The following NRDE2 variants were observed in gnomAD, a reference collection of about 807,000 sequenced individuals.
The protein encoded by NRDE2 is nuclear exosome regulator NRDE2.
A neutral mutation model predicts 124.2 loss-of-function variants in NRDE2; 76 were observed. That is an observed-to-expected ratio of 0.61 (90% CI 0.51 to 0.74). The LOEUF (loss-of-function observed/expected upper bound fraction) is 0.74. Among genes scored for constraint, NRDE2 ranks in the 30% least tolerant of loss-of-function variants. NRDE2 has a pLI of 0.00. For synonymous variants in NRDE2, 489 were observed against 528.1 expected (o/e 0.93, Z 1.01); for missense variants, 1,314 against 1,417.3 (o/e 0.93, Z 1.17).
In NRDE2 at chr14:90,268,122, G is replaced by A. The variant is rs1233688885; in HGVS notation, c.*10214C>T. 9.8e-6 allele frequency: 9 copies of A among 922,840 alleles called. No individual in the cohort carries two copies. The highest frequency in any genetic ancestry group is 6.7e-5 in the African/African-American group (4 of 59,410). The allele number at this position is 922,840 out of a possible 1,614,324, so 57.2% of individuals were successfully genotyped here. A position where few individuals can be genotyped will look rare whatever the true frequency, so the allele number is the denominator to read the frequency against. On this transcript the variant is annotated 3_prime_UTR_variant, in exon 14 of 14. Coordinates refer to ENST00000354366, the MANE Select transcript of NRDE2 (RefSeq NM_017970.4). ...GTGCCATGCCTTAGCATGAGGGCCC[G>A]CCTGTTTTTGGTGTCCATTTAAGGT...
chr14:90,310,447 G>A (rs1884786338), intron 4 of NRDE2, among the ~76,000 whole-genome samples: 1 of 151,826 alleles, frequency 6.6e-6, no homozygotes, highest in Non-Finnish European at 1.5e-5. Context: ...GGATCAGACA[G>A]GCTAACTTAA....
At position 90,274,562 on chromosome 14, in the gene NRDE2, A is replaced by C. The variant is rs1415550661; in HGVS notation, c.*3774T>G. 1 of 152,100 alleles carries C rather than the reference A, an allele frequency of 6.6e-6. No individual in the cohort carries two copies. The highest frequency in any genetic ancestry group is 1.5e-5 in the Non-Finnish European group (1 of 68,070). The allele number at this position is 152,100 out of a possible 1,614,324, so 9.4% of individuals were successfully genotyped here. On this transcript the variant is annotated 3_prime_UTR_variant, in exon 14 of 14. Coordinates refer to ENST00000354366, the MANE Select transcript of NRDE2 (RefSeq NM_017970.4). ...CTGCTAAAAGTATTATTCTCCACTA[A>C]AAGGAGTGAGGGCTGATTCCGGGGC...
chr14:90,303,268 G>T, intron 5 of NRDE2, 143 bp from the exon 6 acceptor site: 1 of 708,182 alleles, frequency 1.4e-6, no homozygotes, highest in Non-Finnish European at 2.3e-6. Flanking sequence ...AGAAAACCTG[G>T]ATCCTAAAGT....
In NRDE2 at chr14:90,298,274, A is replaced by T. The variant is rs756093694; in HGVS notation, c.1652T>A (p.Val551Glu). Residue 551 changes from valine (V) to glutamate (E), a missense_variant, in exon 8 of 14, where the codon GTG (valine) becomes GAG (glutamate). Val to Glu is a moderately radical substitution (Grantham distance 121, BLOSUM62 -2). Transcript: ENST00000354366. Reference protein sequence around the residue: ...WMHQQERGGWVVINPDEDDDE... With the variant: ...WMHQQERGGWEVINPDEDDDE... ...AGGTGACTTACCTGGGTTGATGACC[A>T]CCCAGCCACCTCGTTCCTGCTGGTG... is the stretch of plus-strand genomic sequence containing the variant. 1.9e-6 allele frequency: 3 copies of T among 1,613,634 alleles called. No homozygotes were observed. In the South Asian group the frequency reaches 3.3e-5, roughly 18 times the overall value.
Position 90,267,956 on chromosome 14 carries a change from G to T in NRDE2, c.*10380C>A. On this transcript the variant is annotated 3_prime_UTR_variant, in exon 14 of 14. Transcript: ENST00000354366. Reference sequence around the variant, plus strand: ...TTCAGGGGAAACTGGGTCAAGGTTGGAAAATAACCAAGTAAAAAGTATTTT... The same window carrying T: ...TTCAGGGGAAACTGGGTCAAGGTTGTAAAATAACCAAGTAAAAAGTATTTT... 1 of 332,452 alleles carries T rather than the reference G, an allele frequency of 3.0e-6. No individual in the cohort carries two copies. The highest frequency in any genetic ancestry group is 4.5e-5 in the Admixed American group (1 of 22,006). The allele number at this position is 332,452 out of a possible 1,614,324, so 20.6% of individuals were successfully genotyped here.
At chr14:90,324,455 C>A (rs1219901796) in intron 1 of NRDE2, among the ~76,000 whole-genome samples, 1 of 152,046 alleles carries the variant, frequency 6.6e-6, no homozygotes, top group Non-Finnish European at 1.5e-5. Context: ...GTGGGCGGAT[C>A]ACTTGAGGTC....
intron 7 of NRDE2, among the ~76,000 whole-genome samples, chr14:90,300,379 T>G (rs1884348036): frequency 6.6e-6 from 1 of 152,204 alleles, no homozygotes; most frequent in South Asian, 2.1e-4. Context: ...TGGTCTTTAC[T>G]GGCAATTCAT....
chr14:90,312,371 C>T (rs1884875723), intron 4 of NRDE2, 23 bp downstream of exon 4: 10 of 1,612,324 alleles, frequency 6.2e-6, no homozygotes, highest in Middle Eastern at 1.8e-4. Flanking sequence ...ACAGTGAAAA[C>T]TGGGGGAAAA....
In NRDE2 at chr14:90,316,758, T is replaced by C. The variant is rs751475641; in HGVS notation, c.227A>G (p.Lys76Arg). The C allele has an allele frequency of 1.2e-6, 2 of 1,613,258 alleles. No individual in the cohort carries two copies. Among genetic ancestry groups the C allele is most frequent in the Admixed American group, 3.3e-5 (2 of 59,888 alleles). ...SDESDTNKKLKQTSRKKKKEK... is the reference protein window; with the variant it reads ...SDESDTNKKLRQTSRKKKKEK... ...TTTCTTCTTTTTTCTACTTGTTTGT[T>C]TGAGCTTTTTGTTAGTGTCACTTTC... The change falls in exon 3 of 14, where the codon AAA becomes AGA. Residue 76 changes from lysine to arginine, a missense_variant. Transcript: ENST00000354366.
rs1891720074 is a variant in NRDE2 at position 90,273,452 on chromosome 14, G to A, written c.*4884C>T. 1.3e-5 allele frequency: 2 copies of A among 152,266 alleles called. No individual in the cohort carries two copies. The highest frequency in any genetic ancestry group is 4.8e-5 in the African/African-American group (2 of 41,440). 9.4% of individuals were successfully genotyped at this position (152,266 alleles called of 1,614,324 possible). ...AGGTGCCTGTAGTCCCAGCTACTCAGGAGGCTGAGGCAGGACAATCGCTTG... is the reference window on the plus strand; with the variant it reads ...AGGTGCCTGTAGTCCCAGCTACTCAAGAGGCTGAGGCAGGACAATCGCTTG... On this transcript the variant is annotated 3_prime_UTR_variant, in exon 14 of 14. Transcript: ENST00000354366.
rs945603736 is a variant in NRDE2, at chr14:90,288,277, G to A, written c.3098C>T (p.Pro1033Leu). 1.2e-6 allele frequency: 2 copies of A among 1,614,024 alleles called. No individual in the cohort carries two copies. Among genetic ancestry groups the A allele is most frequent in the African/African-American group, 1.3e-5 (1 of 74,902 alleles). ...TITRSAKPLE[P>L]WLFAIEAEKL... Reference sequence around the variant, plus strand: ...CTCAGCTTCAATTGCAAACAACCAAGGCTCCAAGGGTTTGGCAGACCTGGT... The same window carrying A: ...CTCAGCTTCAATTGCAAACAACCAAAGCTCCAAGGGTTTGGCAGACCTGGT... The change falls in exon 11 of 14, where the codon CCT becomes CTT. Residue 1033 changes from proline to leucine, a missense_variant. Coordinates refer to ENST00000354366, the MANE Select transcript of NRDE2 (RefSeq NM_017970.4).
rs1891683059 is a variant in NRDE2 at position 90,272,060 on chromosome 14, C to T, written c.*6276G>A. On this transcript the variant is annotated 3_prime_UTR_variant, in exon 14 of 14. Transcript: ENST00000354366. The surrounding 1 kb of genome is among the most constrained non-coding windows in gnomAD (Gnocchi z 4.5). Reference sequence around the variant, plus strand: ...GGTGCCTGCCACCGTCCCTGGCTAACTTTTTGTATTTTTAGTAGAGATGGG... The same window carrying T: ...GGTGCCTGCCACCGTCCCTGGCTAATTTTTTGTATTTTTAGTAGAGATGGG... 2 of 376,882 alleles carry T rather than the reference C, an allele frequency of 5.3e-6. No homozygotes were observed. Among genetic ancestry groups the T allele is most frequent in the African/African-American group, 2.2e-5 (1 of 45,920 alleles). The allele number at this position is 376,882 out of a possible 1,614,324, so 23.3% of individuals were successfully genotyped here.
rs1209695933 is a variant in NRDE2 at position 90,280,004 on chromosome 14, G to GGC, written c.3298-873_3298-872dup. ...CCGGGACCAGTGAGGGCTGCTGACC[G>GGC]GCTTCCCAGAAACCTGAACAGTGGC... On this transcript the variant is annotated intron_variant, in intron 12 of 13. Coordinates refer to ENST00000354366, the MANE Select transcript of NRDE2 (RefSeq NM_017970.4). 1.2e-4 allele frequency: 18 copies of GGC among 152,500 alleles called. No homozygotes were observed. The East Asian group carries it at 3.5e-3, about 29-fold the overall frequency. 9.4% of individuals were successfully genotyped at this position (152,500 alleles called of 1,614,324 possible).
rs1884377790 is a variant in NRDE2, at chr14:90,300,963, G to C, written c.1545+276C>G. 2.8e-5 allele frequency among the ~76,000 whole-genome samples: 4 copies of C among 144,446 alleles called. No homozygotes were observed. The South Asian group carries it at 6.9e-4, about 25-fold the overall frequency. The allele number at this position is 144,446 out of a possible 152,430, so 94.8% of individuals were successfully genotyped here. Reference sequence around the variant, plus strand: ...AGGCAGGCAGGCAGGCAGGGTGGGAGGGTGAGTCCTCAGAGAGCCTTTATG... The same window carrying C: ...AGGCAGGCAGGCAGGCAGGGTGGGACGGTGAGTCCTCAGAGAGCCTTTATG... On this transcript the variant is annotated intron_variant, in intron 7 of 13. Coordinates refer to ENST00000354366, the MANE Select transcript of NRDE2 (RefSeq NM_017970.4).
chr14:90,288,259 T>C lies in NRDE2; in HGVS notation c.3116A>G (p.Glu1039Gly). 2 of 1,614,106 alleles carry C rather than the reference T, an allele frequency of 1.2e-6. No homozygotes were observed. Among genetic ancestry groups the C allele is most frequent in the Non-Finnish European group, 1.7e-6 (2 of 1,180,012 alleles). The change falls in exon 11 of 14, where the codon GAA (glutamate) becomes GGA (glycine). Residue 1039 changes from glutamate (E) to glycine (G), a missense_variant. By Grantham distance (98) the Glu-to-Gly change is moderately conservative (BLOSUM62 -2). Transcript: ENST00000354366. ...CAGTCTCTTCCTCAGTTTCTCAGCTTCAATTGCAAACAACCAAGGCTCCAA... is the reference window on the plus strand; with the variant it reads ...CAGTCTCTTCCTCAGTTTCTCAGCTCCAATTGCAAACAACCAAGGCTCCAA... ...KPLEPWLFAI[E>G]AEKLRKRLVE...
intron 6 of NRDE2, chr14:90,301,949 A>G (rs1884417576): frequency 5.0e-6 from 2 of 396,820 alleles, no homozygotes; most frequent in Admixed American, 3.1e-5. Flanking sequence ...ATAAATGCTT[A>G]TATTTTGAGA....
chr14:90,269,516 T>C lies in NRDE2; in HGVS notation c.*8820A>G. 1 of 1,613,960 alleles carries C rather than the reference T, an allele frequency of 6.2e-7. No individual in the cohort carries two copies. Among genetic ancestry groups the C allele is most frequent in the Non-Finnish European group, 8.5e-7 (1 of 1,179,982 alleles). ...AAAGTTATCATGGCCACAAACCGAATAGAAACTTTGGATCCAGCACTTATC... is the reference window on the plus strand; with the variant it reads ...AAAGTTATCATGGCCACAAACCGAACAGAAACTTTGGATCCAGCACTTATC... On this transcript the variant is annotated 3_prime_UTR_variant, in exon 14 of 14. Coordinates refer to ENST00000354366, the MANE Select transcript of NRDE2 (RefSeq NM_017970.4).
Position 90,290,327 on chromosome 14 carries a change from T to C in NRDE2, c.2123A>G (p.Glu708Gly). 2 of 1,614,072 alleles carry C rather than the reference T, an allele frequency of 1.2e-6. No individual in the cohort carries two copies. Among genetic ancestry groups the C allele is most frequent in the South Asian group, 1.1e-5 (1 of 91,074 alleles). Residue 708 changes from glutamate to glycine, a missense_variant, in exon 10 of 14, where the codon GAG becomes GGG. By Grantham distance (98) the Glu-to-Gly change is moderately conservative. Transcript: ENST00000354366. Reference sequence around the variant, plus strand: ...GACATTGCGGATGAACTCCTCGCCCTCTCGGTTCTGACCCCTGGTCCAGCG... The same window carrying C: ...GACATTGCGGATGAACTCCTCGCCCCCTCGGTTCTGACCCCTGGTCCAGCG... ...YPRWTRGQNR[E>G]GEEFIRNVFH...
chr14:90,286,563 T>C, intron 11 of NRDE2, 71 bp from the exon 12 acceptor site: 1 of 1,545,774 alleles, frequency 6.5e-7, no homozygotes, highest in Admixed American at 1.9e-5. Flanking sequence ...AAGAGATGCC[T>C]GAGTGATGAT....
Sources: gnomAD v4.1 joint callset for allele counts (sites outside exome capture counted in the v4.1 genomes callset) on GRCh38, gnomAD v4.1.1 for gene constraint, Gnocchi (gnomAD v3.1) non-coding constraint, MANE v1.5 for transcripts, NCBI Gene and HGNC (gene_info 2026-07-23, HGNC 2026-07-21) for gene names.